Variants in SEMA6D observed in about 807,000 individuals in gnomAD.
The protein encoded by SEMA6D is semaphorin-6D.
Under a neutral mutation model 106.6 loss-of-function variants are expected in SEMA6D, and 35 were observed. That is an observed-to-expected ratio of 0.33 (90% confidence interval 0.25 to 0.44). The LOEUF (loss-of-function observed/expected upper bound fraction) is 0.44, where lower values mean the gene tolerates loss of function less well. Among genes scored for constraint, SEMA6D ranks in the 20% least tolerant of loss-of-function variants. SEMA6D has a pLI of 1.00. For synonymous variants in SEMA6D, 499 were observed against 487.7 expected (o/e 1.02, Z -0.31); for missense variants, 1,185 against 1,345.9 (o/e 0.88, Z 1.87).
At chr15:47,396,444 G>T (rs1285054067) in intron 1 of SEMA6D, 1 of 153,144 alleles carries the variant, frequency 6.5e-6, no homozygotes, top group South Asian at 1.8e-4. Context: ...TAGGGAAGCT[G>T]ACAGTACAGC....
intron 1 of SEMA6D, among the ~76,000 whole-genome samples, chr15:47,359,020 G>C (rs1002229052): frequency 6.6e-6 from 1 of 151,888 alleles, no homozygotes; most frequent in Non-Finnish European, 1.5e-5. Context: ...TTGATCTGCT[G>C]TACTATCTTT....
At chr15:47,673,389 G>C (rs2078175449) in intron 4 of SEMA6D, among the ~76,000 whole-genome samples, 1 of 152,088 alleles carries the variant, frequency 6.6e-6, no homozygotes, top group Non-Finnish European at 1.5e-5. Context: ...GAATCAACAT[G>C]AGCTGAAACA....
chr15:47,609,022 G>T (rs1303273271), intron 4 of SEMA6D, among the ~76,000 whole-genome samples: 1 of 152,162 alleles, frequency 6.6e-6, no homozygotes, highest in Non-Finnish European at 1.5e-5. Context: ...AGAATTCAAT[G>T]TGTTCTTCCT....
At chr15:47,202,906 G>A (rs150118935) in intron 1 of SEMA6D, among the ~76,000 whole-genome samples, 427 of 152,266 alleles carry the variant, frequency 2.8e-3, no homozygotes, top group African/African-American at 9.8e-3. Flanking sequence ...TTTCTGGGAT[G>A]TAGACTCTAT....
intron 4 of SEMA6D, among the ~76,000 whole-genome samples, chr15:47,616,916 A>G (rs1482310933): frequency 6.6e-6 from 1 of 152,198 alleles, no homozygotes; most frequent in African/African-American, 2.4e-5. Flanking sequence ...CGATCTCCTT[A>G]GCAGCTTCAA....
At chr15:47,184,490 T>C (rs1893401176) in intron 1 of SEMA6D, 1 of 152,164 alleles carries the variant, frequency 6.6e-6, no homozygotes, top group African/African-American at 2.4e-5. Context: ...GAGGAGCTGC[T>C]GACGGAGGTT....
At chr15:47,512,177 G>A (rs1317351505) in intron 3 of SEMA6D, among the ~76,000 whole-genome samples, 2 of 152,200 alleles carry the variant, frequency 1.3e-5, no homozygotes, top group Non-Finnish European at 2.9e-5. Flanking sequence ...TTATCAAGCA[G>A]TGGTTAGCAT....
At chr15:47,348,719 C>CGAGAGAGAGAG (rs1567016651) in intron 1 of SEMA6D, among the ~76,000 whole-genome samples, 4 of 19,102 alleles carry the variant, frequency 2.1e-4, no homozygotes, top group African/African-American at 2.7e-4. Context: ...ACACACACAC[C>CGAGAGAGAGAG]ACACACACAG....
chr15:47,259,526 T>C (rs1022337190), intron 1 of SEMA6D, among the ~76,000 whole-genome samples: 1 of 152,146 alleles, frequency 6.6e-6, no homozygotes, highest in Admixed American at 6.5e-5. Flanking sequence ...CTCTGGTTTC[T>C]GATGAGAAAT....
intron 4 of SEMA6D, among the ~76,000 whole-genome samples, chr15:47,667,892 G>A (rs988478701): frequency 9.9e-5 from 15 of 152,180 alleles, no homozygotes; most frequent in African/African-American, 3.4e-4. Flanking sequence ...ACTGATGCAG[G>A]TTCCCAGAGT....
chr15:47,519,933 G>A (rs7168661), intron 3 of SEMA6D, among the ~76,000 whole-genome samples: 3,021 of 152,232 alleles, frequency 0.02, 112 homozygotes, highest in African/African-American at 0.069. Flanking sequence ...GCCTTGCTTG[G>A]TGCTAGGATA....
chr15:47,217,591 GTGTT>G (rs893422441), intron 1 of SEMA6D, among the ~76,000 whole-genome samples: 2 of 151,156 alleles, frequency 1.3e-5, no homozygotes, highest in Admixed American at 6.6e-5. Context: ...GTGTGTGTGT[GTGTT>G]TAATCCTCTG....
rs564350006 is a variant in SEMA6D at position 47,326,783 on chromosome 15, G to A, written c.-238-85610G>A. ...GATTTGTCATTTGTCAGCGGAGAAAGAAATTCTCCCATGCCAGATTCTGTT... is the reference window on the plus strand; with the variant it reads ...GATTTGTCATTTGTCAGCGGAGAAAAAAATTCTCCCATGCCAGATTCTGTT... On this transcript the variant is annotated intron_variant, in intron 1 of 19. Coordinates refer to the SEMA6D transcript ENST00000558014. Among the ~76,000 whole-genome samples, 9 of 152,272 alleles carry A rather than the reference G, an allele frequency of 5.9e-5. No individual in the cohort carries two copies. In the South Asian group the frequency reaches 1.7e-3, roughly 28 times the overall value.
At chr15:47,524,339 G>A (rs1307345230) in intron 3 of SEMA6D, among the ~76,000 whole-genome samples, 4 of 152,294 alleles carry the variant, frequency 2.6e-5, no homozygotes, top group African/African-American at 9.6e-5. Context: ...GCCTTTCCAT[G>A]CAGGTGGCTG....
intron 2 of SEMA6D, among the ~76,000 whole-genome samples, chr15:47,434,498 C>T (rs1409734773): frequency 1.3e-5 from 2 of 152,024 alleles, no homozygotes; most frequent in African/African-American, 4.8e-5. Context: ...GCTATCCTGA[C>T]AGTTTTCTGC....
chr15:47,455,485 G>A (rs1315734078), intron 2 of SEMA6D, among the ~76,000 whole-genome samples: 1 of 151,936 alleles, frequency 6.6e-6, no homozygotes, highest in Non-Finnish European at 1.5e-5. Flanking sequence ...AGAGTAAGGA[G>A]TAACGTAAGT....
chr15:47,739,821 G>A (rs2080692894), intron 1 of SEMA6D, among the ~76,000 whole-genome samples: 1 of 152,134 alleles, frequency 6.6e-6, no homozygotes, highest in Admixed American at 6.5e-5. Flanking sequence ...CAGGGCAGGG[G>A]ACACAGCAGT....
chr15:47,388,249 A>G (rs1331454549), intron 1 of SEMA6D, among the ~76,000 whole-genome samples: 1 of 152,188 alleles, frequency 6.6e-6, no homozygotes, highest in Non-Finnish European at 1.5e-5. Flanking sequence ...AGTTGTTTTT[A>G]TATTGATATT....
intron 2 of SEMA6D, among the ~76,000 whole-genome samples, chr15:47,423,426 G>C (rs1470556619): frequency 6.6e-6 from 1 of 152,026 alleles, no homozygotes; most frequent in Non-Finnish European, 1.5e-5. Flanking sequence ...AATGCTTACA[G>C]TTGTTCTGAA....
Sources: gnomAD v4.1 joint callset for allele counts (sites outside exome capture counted in the v4.1 genomes callset) on GRCh38, gnomAD v4.1.1 for gene constraint, MANE v1.5 for transcripts, NCBI Gene and HGNC (gene_info 2026-07-23, HGNC 2026-07-21) for gene names.